DNAH8: variants seen among roughly 807,000 people sequenced by gnomAD.
DNAH8 encodes the protein axonemal beta dynein heavy chain 8.
In DNAH8, 382 loss-of-function variants were observed where a neutral mutation model predicts 562.1. The observed-to-expected ratio is 0.68, with a 90% confidence interval of 0.63 to 0.74. DNAH8 has a LOEUF of 0.74. Ranked by LOEUF, DNAH8 falls within the 30% of genes least tolerant of loss-of-function variation. DNAH8 has a pLI of 0.00. For synonymous variants in DNAH8, 1,881 were observed against 1,919.4 expected, an observed-to-expected ratio of 0.98 and a Z score of 0.52; for missense variants, 5,203 against 5,620.4, an observed-to-expected ratio of 0.93 and a Z score of 2.37.
rs780920111 is a variant in DNAH8 at position 38,723,211 on chromosome 6, A to G, written c.390+12A>G. On this transcript the variant is annotated intron_variant, in intron 2 of 92. Coordinates refer to ENST00000327475, the MANE Select transcript of DNAH8 (RefSeq NM_001206927.2). ...TAAAAGAGAGACAGGTTTGCTTCTA[A>G]TACGATTTTTCATGTGTGCCACTTT... The G allele has an allele frequency of 3.1e-6, 5 of 1,596,692 alleles. No homozygotes were observed. In the South Asian group the frequency reaches 5.6e-5, roughly 18 times the overall value.
At chr6:38,836,241 T>C (rs1261908723) in intron 32 of DNAH8, among the ~76,000 whole-genome samples, 1 of 152,052 alleles carries the variant, frequency 6.6e-6, no homozygotes, top group Non-Finnish European at 1.5e-5. Context: ...ACCAACTGAT[T>C]AGTCAGCAAC....
chr6:38,805,667 G>A (rs1771208333), intron 23 of DNAH8, 71 bp downstream of exon 23: 2 of 835,496 alleles, frequency 2.4e-6, no homozygotes, highest in South Asian at 3.3e-5. Flanking sequence ...AACCCCATAT[G>A]GTGCTTTTTC....
At chr6:38,949,644 T>C (rs939976680) in intron 81 of DNAH8, 74 bp downstream of exon 81, 2 of 893,768 alleles carry the variant, frequency 2.2e-6, no homozygotes, top group East Asian at 2.5e-5. Context: ...TCTCAGTGAG[T>C]TTACTTCACT....
rs753831132 is a variant in DNAH8, at chr6:38,789,885, T to C, written c.2664+2T>C. ...CTGATGACCCCAAAAATGAAAAAGGTTGGTATTGCTGAAGGTTTGTATTGA... is the reference window on the plus strand; with the variant it reads ...CTGATGACCCCAAAAATGAAAAAGGCTGGTATTGCTGAAGGTTTGTATTGA... On this transcript the variant is annotated splice_donor_variant, in intron 19 of 92. Transcript: ENST00000327475. LOFTEE classifies it high-confidence loss of function. 2.6e-5 allele frequency: 41 copies of C among 1,603,752 alleles called. No homozygotes were observed. Among genetic ancestry groups the C allele is most frequent in the Non-Finnish European group, 3.5e-5 (41 of 1,171,502 alleles).
Position 38,883,941 on chromosome 6 carries a change from A to C in DNAH8, c.8202A>C (p.Lys2734Asn). 1 of 1,591,558 alleles carries C rather than the reference A, an allele frequency of 6.3e-7. No individual in the cohort carries two copies. The highest frequency in any genetic ancestry group is 8.6e-7 in the Non-Finnish European group (1 of 1,167,558). ...GSTYGPPGGR[K>N]MTVFIDDINM... is the part of the protein sequence containing the mutation. ...CATATGGGCCACCAGGAGGGAGAAA[A>C]ATGACTGTATTTATTGATGATATTA... The change falls in exon 56 of 93, where the codon AAA (lysine) becomes AAC (asparagine). Residue 2734 changes from lysine (K) to asparagine (N), a missense_variant. Around this residue, in one of 6 missense-constraint regions of DNAH8, gnomAD observed 977 missense variants for 1,061.8 expected, o/e 0.92. Coordinates refer to ENST00000327475, the MANE Select transcript of DNAH8 (RefSeq NM_001206927.2).
chr6:38,908,194 A>G (rs1780627039), intron 64 of DNAH8, 74 bp downstream of exon 64: 3 of 803,506 alleles, frequency 3.7e-6, no homozygotes, highest in Non-Finnish European at 5.4e-6. Flanking sequence ...GCCTTCTCTG[A>G]TTAGAAAATG....
intron 57 of DNAH8, 22 bp from the exon 58 acceptor site, chr6:38,890,630 T>G: frequency 6.5e-7 from 1 of 1,528,864 alleles, no homozygotes. Flanking sequence ...AGCTTATACC[T>G]TCAATCTTGC....
intron 87 of DNAH8, among the ~76,000 whole-genome samples, chr6:38,989,665 TG>T (rs1390770716): frequency 1.3e-5 from 2 of 152,134 alleles, no homozygotes; most frequent in African/African-American, 4.8e-5. Flanking sequence ...CTCTTGTGTG[TG>T]GGAGTATGGC....
chr6:38,819,506 C>T (rs1449566853), intron 26 of DNAH8, among the ~76,000 whole-genome samples: 1 of 152,086 alleles, frequency 6.6e-6, no homozygotes. Flanking sequence ...ATACAGCCTC[C>T]TATCAAACTA....
intron 87 of DNAH8, among the ~76,000 whole-genome samples, chr6:38,986,805 A>C (rs1764429399): frequency 6.6e-6 from 1 of 152,182 alleles, no homozygotes; most frequent in African/African-American, 2.4e-5. Context: ...ATTTACAGAC[A>C]AGAGGAAGGG....
chr6:38,980,346 G>C (rs112347160), intron 85 of DNAH8, among the ~76,000 whole-genome samples: 2,624 of 152,206 alleles, frequency 0.017, 30 homozygotes, highest in Non-Finnish European at 0.029. Context: ...AAGGCAACAT[G>C]AATGCTGGGA....
At chr6:38,996,588 G>A (rs1322908156) in intron 88 of DNAH8, among the ~76,000 whole-genome samples, 6 of 152,152 alleles carry the variant, frequency 3.9e-5, no homozygotes, top group Admixed American at 2.0e-4. Flanking sequence ...ATGACTAATC[G>A]ACACCTCGGG....
chr6:38,938,483 C>T (rs1041714815), intron 78 of DNAH8, among the ~76,000 whole-genome samples: 3 of 152,110 alleles, frequency 2.0e-5, no homozygotes, highest in African/African-American at 7.2e-5. Context: ...AGCAAACTAA[C>T]ACAGGAACGG....
intron 28 of DNAH8, 71 bp downstream of exon 28, chr6:38,823,759 G>C: frequency 3.9e-6 from 4 of 1,021,560 alleles, no homozygotes; most frequent in Non-Finnish European, 5.7e-6. Context: ...TTAGCAAGCA[G>C]TTATTAAGTT....
chr6:38,837,983 A>C lies in DNAH8; in HGVS notation c.4407A>C (p.Ser1469=). 1 of 1,613,418 alleles carries C rather than the reference A, an allele frequency of 6.2e-7. No individual in the cohort carries two copies. The highest frequency in any genetic ancestry group is 8.5e-7 in the Non-Finnish European group (1 of 1,179,692). ...TGTGGAGGAAATTTGTTACGTATTC[A>C]TCTGGTGAACAACTTTTTGGATTGC... The part of the protein sequence containing the change: ...DDLWRKFVTY[S]SGEQLFGLPV... The change falls in exon 33 of 93, where the codon TCA becomes TCC. Residue 1469 remains serine, a synonymous_variant. Coordinates refer to ENST00000327475, the MANE Select transcript of DNAH8 (RefSeq NM_001206927.2).
chr6:38,715,688 C>T (rs952000478), intron 1 of DNAH8, among the ~76,000 whole-genome samples: 1 of 151,764 alleles, frequency 6.6e-6, no homozygotes, highest in African/African-American at 2.4e-5. Flanking sequence ...CACGTTCTCA[C>T]CTATGAGTAG....
In DNAH8 at chr6:38,978,966, G is replaced by A. The variant is rs144944192; in HGVS notation, c.12835-3380G>A. ...AGTCCTCTCCCTTCTGTCGAATGAA[G>A]TTTTAACATTCAAATTTGTCTGCAT... On this transcript the variant is annotated intron_variant, in intron 85 of 92. Transcript: ENST00000327475. Among the ~76,000 whole-genome samples the A allele has an allele frequency of 1.5e-3, 233 of 152,330 alleles. 1 individual carries two copies. The highest frequency in any genetic ancestry group is 1.7e-3 in the South Asian group (8 of 4,824).
At chr6:38,791,420 A>C (rs2127657130) in intron 20 of DNAH8, 135 bp from the exon 21 acceptor site, 1 of 1,128,528 alleles carries the variant, frequency 8.9e-7, no homozygotes, top group Non-Finnish European at 1.2e-6. Flanking sequence ...ATGTTCACCA[A>C]ATTATGCTTG....
At chr6:38,887,624 T>A (rs572361696) in intron 57 of DNAH8, among the ~76,000 whole-genome samples, 1 of 152,164 alleles carries the variant, frequency 6.6e-6, no homozygotes, top group South Asian at 2.1e-4. Context: ...AGAGGATTGC[T>A]TGAGCCTAGG....
Sources: allele counts gnomAD v4.1 joint callset (sites outside exome capture counted in the v4.1 genomes callset), GRCh38; gene constraint gnomAD v4.1.1; regional missense constraint gnomAD v4.1.1; transcripts MANE v1.5; gene names NCBI Gene and HGNC (gene_info 2026-07-23, HGNC 2026-07-21).